The following CCDC22 variants were observed in gnomAD, a reference collection of about 807,000 sequenced individuals.
CCDC22 encodes the protein CCC complex scaffolding subunit CCDC22.
CCDC22 carries 4 observed loss-of-function variants against 53.1 expected under a neutral mutation model. The ratio of observed to expected loss-of-function variants is 0.08; its 90% CI spans 0.04 to 0.17. The LOEUF (loss-of-function observed/expected upper bound fraction) is 0.17, where lower values mean the gene tolerates loss of function less well. Ranked by LOEUF, CCDC22 falls within the 10% of genes least tolerant of loss-of-function variation. The pLI is 1.00. For synonymous variants in CCDC22, 222 were observed against 224.4 expected, an observed-to-expected ratio of 0.99 and a Z score of 0.10; for missense variants, 458 against 554.0, an observed-to-expected ratio of 0.83 and a Z score of 1.74.
In CCDC22 at chrX:49,248,672, C is replaced by T. The variant is rs376026905; in HGVS notation, c.1369C>T (p.His457Tyr). Reference sequence around the variant, plus strand: ...ACGGCTGGCAGAGATCCAAGAACTGCACCAGAGTGTCCGGGCGGCTGCTGA... The same window carrying T: ...ACGGCTGGCAGAGATCCAAGAACTGTACCAGAGTGTCCGGGCGGCTGCTGA... Reference protein sequence around the residue: ...SRRLAEIQELHQSVRAAAEEA... With the variant: ...SRRLAEIQELYQSVRAAAEEA... The change falls in exon 12 of 17, where the codon CAC becomes TAC. Residue 457 changes from histidine (H) to tyrosine (Y), a missense_variant. Coordinates refer to ENST00000376227, the MANE Select transcript of CCDC22 (RefSeq NM_014008.5). The T allele has an allele frequency of 3.3e-6, 4 of 1,208,647 alleles. No individual in the cohort carries two copies. Among genetic ancestry groups the T allele is most frequent in the African/African-American group, 1.8e-5 (1 of 56,861 alleles).
chrX:49,235,556 C>A lies in CCDC22; in HGVS notation c.-81C>A. 1.1e-6 allele frequency: 1 copy of A among 903,567 alleles called. No individual in the cohort carries two copies. The highest frequency in any genetic ancestry group is 2.1e-5 in the South Asian group (1 of 47,451). The allele number at this position is 903,567 out of a possible 1,213,427, so 74.5% of individuals were successfully genotyped here. A position where few individuals can be genotyped will look rare whatever the true frequency, so the allele number is the denominator to read the frequency against. ...CGTGACACTCTGTGGACCGCGAGCA[C>A]GGAGCAGGGTTTCTACAGCTGCTCC... On this transcript the variant is annotated 5_prime_UTR_variant, in exon 1 of 17. Transcript: ENST00000376227.
At position 49,242,182 on chromosome X, in the gene CCDC22, G is replaced by A. The variant is rs782261904; in HGVS notation, c.361+34G>A. 35 of 1,204,797 alleles carry A rather than the reference G, an allele frequency of 2.9e-5. No homozygotes were observed. The South Asian group carries it at 5.9e-4, about 20-fold the overall frequency. On this transcript the variant is annotated intron_variant, in intron 3 of 16. Transcript: ENST00000376227. ...TGTCTGGGGTGTGGGCGGGGGCGGT[G>A]AGGGGAGAGGAGGGCCTTCTAGGGG...
rs1409014618 is a variant in CCDC22 at position 49,250,275 on chromosome X, G to A, written c.*14G>A. The A allele has an allele frequency of 6.2e-6, 6 of 962,679 alleles. No individual in the cohort carries two copies. The East Asian group carries it at 1.3e-4, about 21-fold the overall frequency. 79.3% of individuals were successfully genotyped at this position (962,679 alleles called of 1,213,427 possible). ...CGGGAGGCCTGAGGAGCCGCCGGCA[G>A]AGGTCTCTCCCCAGCCTCAGGCAGG... is the stretch of plus-strand genomic sequence containing the variant. On this transcript the variant is annotated 3_prime_UTR_variant, in exon 17 of 17. Transcript: ENST00000376227.
chrX:49,244,786 C>T (rs1376186232), intron 6 of CCDC22, among the ~76,000 whole-genome samples: 2 of 111,701 alleles, frequency 1.8e-5, no homozygotes, highest in African/African-American at 6.5e-5. Context: ...AACTCCTGAC[C>T]TGAAGCAATC....
chrX:49,241,147 C>T (rs1369020242), intron 2 of CCDC22, among the ~76,000 whole-genome samples: 4 of 111,871 alleles, frequency 3.6e-5, no homozygotes, highest in Non-Finnish European at 7.5e-5. Flanking sequence ...AGGAAGTCTG[C>T]TTTCAGAGTC....
chrX:49,248,129 T>C (rs1368130665), intron 9 of CCDC22, 62 bp from the exon 10 acceptor site: 1 of 1,195,046 alleles, frequency 8.4e-7, no homozygotes, highest in Non-Finnish European at 1.1e-6. Flanking sequence ...GCCACAGGGG[T>C]GTACAGTCAT....
chrX:49,248,114 T>C (rs2066000364), intron 9 of CCDC22, 77 bp from the exon 10 acceptor site: 3 of 1,193,097 alleles, frequency 2.5e-6, no homozygotes, highest in Non-Finnish European at 3.4e-6. Context: ...GAGAGGCCTG[T>C]GGGGGCCACA....
At chrX:49,236,324 C>T (rs1307436624) in intron 1 of CCDC22, among the ~76,000 whole-genome samples, 1 of 109,397 alleles carries the variant, frequency 9.1e-6, no homozygotes, top group Non-Finnish European at 1.9e-5. Context: ...TCTCCTGCCT[C>T]AGCCTCCCAA....
At chrX:49,242,291 G>T in intron 3 of CCDC22, 143 bp downstream of exon 3, 2 of 1,088,945 alleles carry the variant, frequency 1.8e-6, no homozygotes, top group South Asian at 2.3e-5. Flanking sequence ...CTAGGCAGGA[G>T]GATTAGGCAT....
At chrX:49,238,075 CTTTTTTTTTT>C (rs58787414) in intron 2 of CCDC22, among the ~76,000 whole-genome samples, 2 of 84,377 alleles carry the variant, frequency 2.4e-5, no homozygotes. Flanking sequence ...TTCTTTTTTT[CTTTTTTTTTT>C]TTTTTTGATG....
chrX:49,241,269 C>T (rs1207036664), intron 2 of CCDC22, among the ~76,000 whole-genome samples: 1 of 110,809 alleles, frequency 9.0e-6, no homozygotes, highest in Non-Finnish European at 1.9e-5. Flanking sequence ...GGGCAGATTG[C>T]TTGAGCCCAG....
chrX:49,248,534 G>C lies in CCDC22; in HGVS notation c.1329+11G>C. The stretch of plus-strand genomic sequence containing the variant: ...CAGGATTGCAGAGAGGTAAGCAGTG[G>C]GGCCCTGGGCTGTGGGCGGGCCAGG... On this transcript the variant is annotated intron_variant, in intron 11 of 16. Transcript: ENST00000376227. 8.3e-7 allele frequency: 1 copy of C among 1,202,146 alleles called. No individual in the cohort carries two copies. Among genetic ancestry groups the C allele is most frequent in the Non-Finnish European group, 1.1e-6 (1 of 887,783 alleles).
chrX:49,235,818 C>G (rs1486206338), intron 1 of CCDC22, 132 bp downstream of exon 1: 4 of 436,428 alleles, frequency 9.2e-6, no homozygotes, highest in Non-Finnish European at 1.6e-5. Context: ...CTAAGACCCT[C>G]ACCCCCTTAC....
intron 2 of CCDC22, among the ~76,000 whole-genome samples, chrX:49,237,509 T>A (rs1457554488): frequency 8.9e-6 from 1 of 111,918 alleles, no homozygotes. Context: ...ACCCTAACCC[T>A]TCTGGGCCCC....
chrX:49,239,846 T>C (rs985350543), intron 2 of CCDC22, among the ~76,000 whole-genome samples: 8 of 110,990 alleles, frequency 7.2e-5, no homozygotes, highest in African/African-American at 2.6e-4. Context: ...TCAGGCTTCC[T>C]GCAGTTCTCT....
intron 2 of CCDC22, among the ~76,000 whole-genome samples, chrX:49,240,291 C>T (rs2065957540): frequency 9.3e-6 from 1 of 107,003 alleles, no homozygotes; most frequent in African/African-American, 3.4e-5. Context: ...GACGGTGGCT[C>T]CTGTAATTCC....
intron 1 of CCDC22, 72 bp from the exon 2 acceptor site, chrX:49,237,014 A>G (rs1303781035): frequency 1.9e-6 from 2 of 1,037,917 alleles, no homozygotes; most frequent in Non-Finnish European, 2.6e-6. Flanking sequence ...TAGTGTTTCC[A>G]AAAGGCTGCA....
At position 49,248,168 on chromosome X, in the gene CCDC22, G is replaced by A. The variant is rs781988314; in HGVS notation, c.1093-23G>A. 6 of 1,200,129 alleles carry A rather than the reference G, an allele frequency of 5.0e-6. No individual in the cohort carries two copies. The Middle Eastern group carries it at 1.1e-3, about 216-fold the overall frequency. ...TGGAGCTCCATGGGGGCTGTGGCAT[G>A]TGACTGGGTATCCACCGGCCAGGCA... is the stretch of plus-strand genomic sequence containing the variant. On this transcript the variant is annotated intron_variant, in intron 9 of 16. Coordinates refer to ENST00000376227, the MANE Select transcript of CCDC22 (RefSeq NM_014008.5).
chrX:49,249,000 C>A, intron 13 of CCDC22, 76 bp downstream of exon 13: 1 of 1,164,282 alleles, frequency 8.6e-7, no homozygotes. Context: ...ACCTCACACC[C>A]TCAGGCAGAG....
Sources: gnomAD v4.1 joint callset for allele counts (sites outside exome capture counted in the v4.1 genomes callset) on GRCh38, gnomAD v4.1.1 for gene constraint, MANE v1.5 for transcripts, NCBI Gene and HGNC (gene_info 2026-07-23, HGNC 2026-07-21) for gene names.